ACOX1: variants seen among roughly 807,000 people sequenced by gnomAD.
ACOX1 encodes the protein acyl-CoA oxidase 1, also known as peroxisomal acyl-coenzyme A oxidase 1.
A neutral mutation model predicts 75.5 loss-of-function variants in ACOX1; 41 were observed. The observed-to-expected ratio is 0.54, with a 90% confidence interval of 0.42 to 0.70. The LOEUF (loss-of-function observed/expected upper bound fraction) is 0.70, where lower values mean the gene tolerates loss of function less well. Among genes scored for constraint, ACOX1 ranks in the 30% least tolerant of loss-of-function variants. ACOX1 has a pLI of 0.00. For missense variants in ACOX1, 630 were observed against 837.5 expected, an observed-to-expected ratio of 0.75 and a Z score of 3.06; for synonymous variants, 303 against 298.8, an observed-to-expected ratio of 1.01 and a Z score of -0.15.
chr17:75,964,949 T>G (rs114698919), intron 2 of ACOX1, among the ~76,000 whole-genome samples: 619 of 151,474 alleles, frequency 4.1e-3, no homozygotes, highest in African/African-American at 0.014. Flanking sequence ...AAAGCAGCTC[T>G]GTAGAAAGCA....
chr17:75,944,700 C>T lies in ACOX1; in HGVS notation c.*2048G>A, dbSNP rs1197694783. 1 of 152,058 alleles carries T rather than the reference C, an allele frequency of 6.6e-6. No homozygotes were observed. The highest frequency in any genetic ancestry group is 1.5e-5 in the Non-Finnish European group (1 of 68,012). 9.4% of individuals were successfully genotyped at this position (152,058 alleles called of 1,614,324 possible). On this transcript the variant is annotated 3_prime_UTR_variant, in exon 14 of 14. Transcript: ENST00000293217. Reference sequence around the variant, plus strand: ...TGATTATATTGAATAAAGTTCAAGACAGAACATTCCAATATTAATAAAAAT... The same window carrying T: ...TGATTATATTGAATAAAGTTCAAGATAGAACATTCCAATATTAATAAAAAT...
chr17:75,958,316 G>A (rs1298966346), intron 3 of ACOX1, among the ~76,000 whole-genome samples: 1 of 144,378 alleles, frequency 6.9e-6, no homozygotes, highest in Non-Finnish European at 1.5e-5. Flanking sequence ...TTGTGCCACC[G>A]CACTCCAGCC....
At chr17:75,953,359 C>G in intron 7 of ACOX1, 92 bp downstream of exon 7, 1 of 1,457,420 alleles carries the variant, frequency 6.9e-7, no homozygotes, top group Non-Finnish European at 9.6e-7. Flanking sequence ...AGTGCTAATG[C>G]ATCTTCTGTA....
chr17:75,961,936 G>C (rs2065892482), intron 2 of ACOX1, among the ~76,000 whole-genome samples: 1 of 152,074 alleles, frequency 6.6e-6, no homozygotes, highest in South Asian at 2.1e-4. Context: ...GAGAAAGCGA[G>C]ACAGAACATA....
At chr17:75,967,267 G>A (rs915877841) in intron 2 of ACOX1, among the ~76,000 whole-genome samples, 10 of 151,978 alleles carry the variant, frequency 6.6e-5, no homozygotes, top group Non-Finnish European at 1.5e-4. Flanking sequence ...TCAGGAGATC[G>A]AGACCATCCT....
rs1657267500 is a variant in ACOX1 at position 75,942,124 on chromosome 17, G to A, written c.*4624C>T. 1 of 152,116 alleles carries A rather than the reference G, an allele frequency of 6.6e-6. No individual in the cohort carries two copies. The highest frequency in any genetic ancestry group is 2.4e-5 in the African/African-American group (1 of 41,414). 9.4% of individuals were successfully genotyped at this position (152,116 alleles called of 1,614,324 possible). A position where few individuals can be genotyped will look rare whatever the true frequency, so the allele number is the denominator to read the frequency against. ...ATAGGAAGAAGTACTGGAAAATTTA[G>A]TAAGTGTGGACAGTTAAAAACACTG... On this transcript the variant is annotated 3_prime_UTR_variant, in exon 14 of 14. Coordinates refer to ENST00000293217, the MANE Select transcript of ACOX1 (RefSeq NM_004035.7).
intron 6 of ACOX1, 68 bp from the exon 7 acceptor site, chr17:75,953,688 A>G: frequency 8.2e-6 from 13 of 1,585,608 alleles, no homozygotes; most frequent in Non-Finnish European, 1.0e-5. Flanking sequence ...TGGTTCTCAA[A>G]GTGTGGTCCC....
intron 2 of ACOX1, among the ~76,000 whole-genome samples, chr17:75,969,246 A>T (rs1395489174): frequency 6.6e-6 from 1 of 152,150 alleles, no homozygotes; most frequent in Non-Finnish European, 1.5e-5. Context: ...AGCTCACCAC[A>T]ACTTCCACCT....
At chr17:75,972,431 G>A (rs1054532761) in intron 2 of ACOX1, among the ~76,000 whole-genome samples, 1 of 151,270 alleles carries the variant, frequency 6.6e-6, no homozygotes, top group Non-Finnish European at 1.5e-5. Flanking sequence ...CAGATCACCT[G>A]AGGTCAGGAG....
At chr17:75,973,546 G>A (rs2066016316) in intron 2 of ACOX1, 5 of 1,497,244 alleles carry the variant, frequency 3.3e-6, no homozygotes, top group Non-Finnish European at 3.7e-6. Context: ...GGTAGCAGCA[G>A]AAAAAAGTCA....
rs148934573 is a variant in ACOX1, at chr17:75,957,532, C to T, written c.465G>A (p.Thr155=). Residue 155 remains threonine, a synonymous_variant, in exon 4 of 14, where the codon ACG becomes ACA. Transcript: ENST00000293217. ...THLRGLETTA[T]YDPETQEFIL... ...TGAACTCCTGGGTTTCAGGGTCATA[C>T]GTGGCTGTGGTTTCCAAGCCTCGAA... 89 of 1,613,954 alleles carry T rather than the reference C, an allele frequency of 5.5e-5. No individual in the cohort carries two copies. Among genetic ancestry groups the T allele is most frequent in the African/African-American group, 4.5e-4 (34 of 74,900 alleles).
chr17:75,950,027 C>A lies in ACOX1; in HGVS notation c.1299-130G>T. ...AGATCTCAGCTCACTGCAACCTCCTCCTCTTGGGTTCAAATGAATGATTCT... is the reference window on the plus strand; with the variant it reads ...AGATCTCAGCTCACTGCAACCTCCTACTCTTGGGTTCAAATGAATGATTCT... On this transcript the variant is annotated intron_variant, in intron 9 of 13. Coordinates refer to ENST00000293217, the MANE Select transcript of ACOX1 (RefSeq NM_004035.7). This position sits in a 1 kb window ranked among gnomAD's most constrained non-coding sequence, Gnocchi z 4.3. 1.0e-6 allele frequency: 1 copy of A among 966,458 alleles called. No homozygotes were observed. The highest frequency in any genetic ancestry group is 2.0e-5 in the Admixed American group (1 of 50,080). The allele number at this position is 966,458 out of a possible 1,614,324, so 59.9% of individuals were successfully genotyped here.
In ACOX1 at chr17:75,970,184, C is replaced by CAA. The variant is rs55762557; in HGVS notation, c.269+8348_269+8349dup. 2.3e-3 allele frequency among the ~76,000 whole-genome samples: 158 copies of CAA among 69,078 alleles called. 8 individuals carry two copies. Among genetic ancestry groups the CAA allele is most frequent in the African/African-American group, 7.1e-3 (118 of 16,632 alleles). The allele number at this position is 69,078 out of a possible 152,430, so 45.3% of individuals were successfully genotyped here. On this transcript the variant is annotated intron_variant, in intron 2 of 13. Transcript: ENST00000293217. ...CAGCTTGGGCAACATGAGACTCCTT[C>CAA]AAAAAAAAAAAAAAAAAGAGGAAGG...
chr17:75,967,293 A>AC (rs2065940984), intron 2 of ACOX1, among the ~76,000 whole-genome samples: 1 of 151,976 alleles, frequency 6.6e-6, no homozygotes, highest in Non-Finnish European at 1.5e-5. Context: ...ACATGGTGAA[A>AC]CCCCATCTCT....
At chr17:75,970,279 C>G (rs1042622673) in intron 2 of ACOX1, among the ~76,000 whole-genome samples, 3 of 151,094 alleles carry the variant, frequency 2.0e-5, no homozygotes, top group Non-Finnish European at 2.9e-5. Context: ...ATGGCCACAT[C>G]TTGAAATGAT....
chr17:75,957,005 A>G (rs1348537785), intron 4 of ACOX1, among the ~76,000 whole-genome samples: 2 of 118,792 alleles, frequency 1.7e-5, no homozygotes, highest in Non-Finnish European at 3.6e-5. Flanking sequence ...ATATATATAT[A>G]TATACACACA....
chr17:75,977,067 G>C (rs1261588661), intron 2 of ACOX1, among the ~76,000 whole-genome samples: 1 of 136,162 alleles, frequency 7.3e-6, no homozygotes, highest in Non-Finnish European at 1.5e-5. Flanking sequence ...GCGTGATCTC[G>C]GCTCAGTGCA....
chr17:75,948,533 T>A, intron 12 of ACOX1, 76 bp from the exon 13 acceptor site: 1 of 1,226,126 alleles, frequency 8.2e-7, no homozygotes, highest in Non-Finnish European at 1.2e-6. Context: ...TATACAGCTA[T>A]AAAGCGGATG....
At chr17:75,947,878 G>A (rs749830578) in intron 13 of ACOX1, among the ~76,000 whole-genome samples, 2 of 151,824 alleles carry the variant, frequency 1.3e-5, no homozygotes, top group Non-Finnish European at 2.9e-5. Context: ...ATTACTGCCT[G>A]GCTGCTTTTT....
Sources: gnomAD v4.1 joint callset for allele counts (sites outside exome capture counted in the v4.1 genomes callset) on GRCh38, gnomAD v4.1.1 for gene constraint, Gnocchi (gnomAD v3.1) non-coding constraint, MANE v1.5 for transcripts, NCBI Gene and HGNC (gene_info 2026-07-23, HGNC 2026-07-21) for gene names.